Variants in MYO7B observed in about 807,000 individuals in gnomAD.
The protein encoded by MYO7B is unconventional myosin-VIIb.
In MYO7B, 212 loss-of-function variants were observed where a neutral mutation model predicts 259.7. The observed-to-expected ratio is 0.82, with a 90% CI of 0.73 to 0.91. The LOEUF (loss-of-function observed/expected upper bound fraction) is 0.91, where lower values mean the gene tolerates loss of function less well. Ranked by LOEUF, MYO7B falls within the 40% of genes least tolerant of loss-of-function variation. MYO7B has a pLI of 0.00. For synonymous variants in MYO7B, 1,197 were observed against 1,166.4 expected (o/e 1.03, Z -0.54); for missense variants, 2,732 against 2,813.5 (o/e 0.97, Z 0.66).
intron 1 of MYO7B, among the ~76,000 whole-genome samples, chr2:127,543,421 A>G (rs924882527): frequency 1.3e-5 from 2 of 152,152 alleles, no homozygotes; most frequent in African/African-American, 4.8e-5. Context: ...GGTTGGGGCT[A>G]GGGTTACAGA....
Position 127,584,776 on chromosome 2 carries a change from A to G in MYO7B, c.1555-2A>G. On this transcript the variant is annotated splice_acceptor_variant, in intron 13 of 47. Coordinates refer to ENST00000409816, the MANE Select transcript of MYO7B (RefSeq NM_001393586.1). LOFTEE classifies it high-confidence loss of function. The surrounding 1 kb of genome is among the most constrained non-coding windows in gnomAD (Gnocchi z 5.8). ...GCCCACAGGGTGTCTGGGTTCTTCCAGGGGACAGATCTCACCATGCTGCAA... is the reference window on the plus strand; with the variant it reads ...GCCCACAGGGTGTCTGGGTTCTTCCGGGGGACAGATCTCACCATGCTGCAA... The G allele has an allele frequency of 6.2e-7, 1 of 1,613,706 alleles. No individual in the cohort carries two copies. The highest frequency in any genetic ancestry group is 8.5e-7 in the Non-Finnish European group (1 of 1,179,746).
At position 127,629,808 on chromosome 2, in the gene MYO7B, G is replaced by A. The variant is rs781480329; in HGVS notation, c.4788G>A (p.Lys1596=). ...TCTACACCATCCCCACGGTCACTAA[G>A]CCCTCGGCACAGCTGCTGGTAACTG... is the stretch of plus-strand genomic sequence containing the variant. ...ACLYTIPTVT[K]PSAQLLSLLA... Residue 1596 remains lysine, a synonymous_variant, in exon 35 of 48, where the codon AAG becomes AAA. Transcript: ENST00000409816. The A allele has an allele frequency of 1.9e-6, 3 of 1,573,518 alleles. No homozygotes were observed. The Admixed American group carries it at 5.5e-5, about 29-fold the overall frequency.
At chr2:127,634,779 A>G (rs1343473154) in intron 42 of MYO7B, 96 bp downstream of exon 42, 4 of 1,191,112 alleles carry the variant, frequency 3.4e-6, no homozygotes, top group Non-Finnish European at 4.9e-6. Flanking sequence ...TCATCCATCC[A>G]TTCGTTCCCG....
rs1007957876 is a variant in MYO7B at position 127,585,741 on chromosome 2, G to A, written c.1690+828G>A. Among the ~76,000 whole-genome samples, 14 of 152,218 alleles carry A rather than the reference G, an allele frequency of 9.2e-5. No homozygotes were observed. The highest frequency in any genetic ancestry group is 2.9e-4 in the African/African-American group (12 of 41,452). On this transcript the variant is annotated intron_variant, in intron 14 of 47. Transcript: ENST00000409816. This position sits in a 1 kb window ranked among gnomAD's most constrained non-coding sequence, Gnocchi z 4.3. The stretch of plus-strand genomic sequence containing the variant: ...TTCCTCCACATCCTTGCCTACACAT[G>A]TGATTGTCTGTCTTTGTTATTATAG...
chr2:127,565,636 G>T (rs1295926036), intron 4 of MYO7B, among the ~76,000 whole-genome samples: 1 of 152,230 alleles, frequency 6.6e-6, no homozygotes, highest in Non-Finnish European at 1.5e-5. Flanking sequence ...CTCAGTGAGG[G>T]CTGCAGATGG....
At chr2:127,574,799 A>T (rs1678796617) in intron 7 of MYO7B, among the ~76,000 whole-genome samples, 1 of 152,192 alleles carries the variant, frequency 6.6e-6, no homozygotes, top group African/African-American at 2.4e-5. Flanking sequence ...GCTTGGTTTC[A>T]TGCTCTGCTA....
At chr2:127,564,395 G>A in intron 3 of MYO7B, 129 bp downstream of exon 3, 1 of 648,302 alleles carries the variant, frequency 1.5e-6, no homozygotes, top group Non-Finnish European at 2.6e-6. Flanking sequence ...CTGGGTGGCA[G>A]GACAGATCAC....
Position 127,637,362 on chromosome 2 carries a change from T to C in MYO7B, c.6374T>C (p.Leu2125Pro), listed in dbSNP as rs1260769759. 4.4e-6 allele frequency: 7 copies of C among 1,592,300 alleles called. No homozygotes were observed. The East Asian group carries it at 1.6e-4, about 36-fold the overall frequency. The change falls in exon 48 of 48, where the codon CTG (leucine) becomes CCG (proline). Residue 2125 changes from leucine (L) to proline (P), a missense_variant. Around this residue, in one of 3 missense-constraint regions of MYO7B, gnomAD observed 821 missense variants for 769.3 expected, o/e 1.07. Coordinates refer to ENST00000409816, the MANE Select transcript of MYO7B (RefSeq NM_001393586.1). ...CTGACCTCATATGTGCAGCAGCTCC[T>C]GAGTGCCATGAACAAGCAGCGGGGC... The part of the protein sequence containing the change: ...DLLTSYVQQL[L>P]SAMNKQRGSK...
rs2105128385 is a variant in MYO7B, at chr2:127,630,885, GGAGTTCTCCTAT to G, written c.4922_4933del (p.Ser1641_Phe1644del). The G allele has an allele frequency of 6.3e-7, 1 of 1,597,358 alleles. No individual in the cohort carries two copies. The highest frequency in any genetic ancestry group is 1.1e-5 in the South Asian group (1 of 88,922). Reference sequence around the variant, plus strand: ...CCAAGGAAAAGCTGCACACCCTGGAGGAGTTCTCCTATGAGTTCTTCAGGTGCCCCCCAGCCC... The same window carrying G: ...CCAAGGAAAAGCTGCACACCCTGGAGGAGTTCTTCAGGTGCCCCCCAGCCC... On this transcript the variant is annotated inframe_deletion, in exon 36 of 48. Transcript: ENST00000409816.
At position 127,627,893 on chromosome 2, in the gene MYO7B, T is replaced by C. The variant is rs866227501; in HGVS notation, c.4461-479T>C. ...ATGCATCTCTGGGCTGTGCCAGGTG[T>C]ACAGTGGCCACCACTCCCCACTGGC... On this transcript the variant is annotated intron_variant, in intron 33 of 47. Coordinates refer to ENST00000409816, the MANE Select transcript of MYO7B (RefSeq NM_001393586.1). The surrounding 1 kb of genome is among the most constrained non-coding windows in gnomAD (Gnocchi z 5.6). 10 of 458,970 alleles carry C rather than the reference T, an allele frequency of 2.2e-5. 1 individual carries two copies. In the Middle Eastern group the frequency reaches 3.2e-3, roughly 149 times the overall value. The allele number at this position is 458,970 out of a possible 1,614,324, so 28.4% of individuals were successfully genotyped here.
chr2:127,628,098 T>C lies in MYO7B; in HGVS notation c.4461-274T>C. ...TCAGCTCTGACCTTTGCAGTGTCCC[T>C]GCGGTGTCACTGCACACCAGCCACC... On this transcript the variant is annotated intron_variant, in intron 33 of 47. Coordinates refer to ENST00000409816, the MANE Select transcript of MYO7B (RefSeq NM_001393586.1). The surrounding 1 kb of genome is among the most constrained non-coding windows in gnomAD (Gnocchi z 4.8). The C allele has an allele frequency of 1.6e-6, 1 of 622,210 alleles. No homozygotes were observed. The allele number at this position is 622,210 out of a possible 1,614,324, so 38.5% of individuals were successfully genotyped here. A position where few individuals can be genotyped will look rare whatever the true frequency, so the allele number is the denominator to read the frequency against.
chr2:127,584,468 C>T lies in MYO7B; in HGVS notation c.1554+136C>T. 13 of 983,534 alleles carry T rather than the reference C, an allele frequency of 1.3e-5. No individual in the cohort carries two copies. Among genetic ancestry groups the T allele is most frequent in the South Asian group, 1.7e-5 (1 of 60,532 alleles). The allele number at this position is 983,534 out of a possible 1,614,324, so 60.9% of individuals were successfully genotyped here. A position where few individuals can be genotyped will look rare whatever the true frequency, so the allele number is the denominator to read the frequency against. On this transcript the variant is annotated intron_variant, in intron 13 of 47. Transcript: ENST00000409816. The surrounding 1 kb of genome is among the most constrained non-coding windows in gnomAD (Gnocchi z 5.8). ...CTCTGCCAGGAATAAGCAGAAGAGC[C>T]TCAGTCTAACCAGACAGACCCTCCT...
chr2:127,576,288 A>G lies in MYO7B; in HGVS notation c.736-307A>G, dbSNP rs945725214. On this transcript the variant is annotated intron_variant, in intron 7 of 47. Transcript: ENST00000409816. The surrounding 1 kb of genome is among the most constrained non-coding windows in gnomAD (Gnocchi z 4.9). ...AAGTGCCTGTGAAGACTGTGGGACTATAAGAGAGCCCCGACTCTGTGCCAT... is the reference window on the plus strand; with the variant it reads ...AAGTGCCTGTGAAGACTGTGGGACTGTAAGAGAGCCCCGACTCTGTGCCAT... Among the ~76,000 whole-genome samples the G allele has an allele frequency of 2.6e-4, 40 of 152,216 alleles. No homozygotes were observed. Among genetic ancestry groups the G allele is most frequent in the Admixed American group, 7.2e-4 (11 of 15,306 alleles).
At chr2:127,558,958 G>A (rs1191181904) in intron 1 of MYO7B, among the ~76,000 whole-genome samples, 1 of 152,192 alleles carries the variant, frequency 6.6e-6, no homozygotes, top group African/African-American at 2.4e-5. Context: ...CGCTGGTGAT[G>A]CGTGCACCAA....
In MYO7B at chr2:127,596,450, C is replaced by T; in HGVS notation, c.2245-12C>T. On this transcript the variant is annotated splice_polypyrimidine_tract_variant and intron_variant, in intron 18 of 47. Transcript: ENST00000409816. ...GGTGAGCAGCCCAGTGACGGCGTCT[C>T]TCCTGTTCCAGGATCATCAGGACAC... 2.5e-6 allele frequency: 4 copies of T among 1,607,566 alleles called. No homozygotes were observed. Among genetic ancestry groups the T allele is most frequent in the Non-Finnish European group, 3.4e-6 (4 of 1,175,114 alleles).
chr2:127,589,484 A>T (rs1679459201), intron 15 of MYO7B, among the ~76,000 whole-genome samples: 1 of 146,744 alleles, frequency 6.8e-6, no homozygotes. Context: ...TGTGCTGGGT[A>T]GATGGTGGGG....
rs770702449 is a variant in MYO7B, at chr2:127,578,165, C to T, written c.882C>T (p.Asp294=). The T allele has an allele frequency of 2.0e-5, 33 of 1,613,720 alleles. No individual in the cohort carries two copies. Among genetic ancestry groups the T allele is most frequent in the African/African-American group, 4.0e-5 (3 of 74,894 alleles). The change falls in exon 9 of 48, where the codon GAC becomes GAT. Residue 294 remains aspartate, a synonymous_variant. Transcript: ENST00000409816. ...GNCTSCEGLN[D]AKDYAHIRSA... ...GCACTTCCTGTGAGGGGCTCAACGACGCCAAGGACTACGCCCACATCCGCT... is the reference window on the plus strand; with the variant it reads ...GCACTTCCTGTGAGGGGCTCAACGATGCCAAGGACTACGCCCACATCCGCT...
At chr2:127,618,170 C>G (rs972356251) in intron 26 of MYO7B, among the ~76,000 whole-genome samples, 1 of 152,196 alleles carries the variant, frequency 6.6e-6, no homozygotes, top group African/African-American at 2.4e-5. Flanking sequence ...GCAGCACTTG[C>G]AGCAATTTGC....
chr2:127,545,074 C>A (rs1028649333), intron 1 of MYO7B, among the ~76,000 whole-genome samples: 2 of 152,174 alleles, frequency 1.3e-5, no homozygotes, highest in East Asian at 3.9e-4. Flanking sequence ...AAAGGTTGAA[C>A]CTGAATCCAG....
Sources: allele counts gnomAD v4.1 joint callset (sites outside exome capture counted in the v4.1 genomes callset), GRCh38; gene constraint gnomAD v4.1.1; regional missense constraint gnomAD v4.1.1; non-coding constraint Gnocchi (gnomAD v3.1); transcripts MANE v1.5; gene names NCBI Gene and HGNC (gene_info 2026-07-23, HGNC 2026-07-21).